DGKB: variants seen among roughly 807,000 people sequenced by gnomAD.
The protein encoded by DGKB is diacylglycerol kinase beta, also known as 90 kDa diacylglycerol kinase.
DGKB carries 67 observed loss-of-function variants against 114.3 expected under a neutral mutation model. That is an observed-to-expected ratio of 0.59 (90% confidence interval 0.48 to 0.72). The LOEUF (loss-of-function observed/expected upper bound fraction) is 0.72, where lower values mean the gene tolerates loss of function less well. Ranked by LOEUF, DGKB falls within the 30% of genes least tolerant of loss-of-function variation. The pLI is 0.00. For synonymous variants in DGKB, 398 were observed against 323.1 expected, an observed-to-expected ratio of 1.23 and a Z score of -2.49; for missense variants, 907 against 975.2, an observed-to-expected ratio of 0.93 and a Z score of 0.93.
At chr7:14,475,678 G>A (rs1358788079) in intron 21 of DGKB, among the ~76,000 whole-genome samples, 2 of 151,984 alleles carry the variant, frequency 1.3e-5, no homozygotes, top group South Asian at 2.1e-4. Context: ...ATTTATAAGC[G>A]AGGTTCATTC....
chr7:14,763,202 A>G (rs976661884), intron 2 of DGKB, among the ~76,000 whole-genome samples: 2 of 152,048 alleles, frequency 1.3e-5, no homozygotes, highest in African/African-American at 4.8e-5. Flanking sequence ...GTGAAGTTCA[A>G]CATAATGTAT....
chr7:14,172,047 G>A (rs1404907856), intron 25 of DGKB, among the ~76,000 whole-genome samples: 1 of 152,204 alleles, frequency 6.6e-6, no homozygotes, highest in African/African-American at 2.4e-5. Flanking sequence ...TGGAGAAGTG[G>A]AAGGAGGGGT....
At position 14,841,351 on chromosome 7, in the gene DGKB, T is replaced by A. The variant is rs1281015666; in HGVS notation, c.-88A>T. On this transcript the variant is annotated 5_prime_UTR_variant, in exon 2 of 26. The change abolishes an upstream ATG in the 5' untranslated region. Transcript: ENST00000402815. ...AGGTCTATGCTTCAAAGATTCCACATGGCATGTTTCATGATAAAATACCTC... is the reference window on the plus strand; with the variant it reads ...AGGTCTATGCTTCAAAGATTCCACAAGGCATGTTTCATGATAAAATACCTC... 1 of 1,139,160 alleles carries A rather than the reference T, an allele frequency of 8.8e-7. No individual in the cohort carries two copies. Among genetic ancestry groups the A allele is most frequent in the African/African-American group, 1.6e-5 (1 of 63,970 alleles). The allele number at this position is 1,139,160 out of a possible 1,614,324, so 70.6% of individuals were successfully genotyped here. A position where few individuals can be genotyped will look rare whatever the true frequency, so the allele number is the denominator to read the frequency against.
At chr7:14,913,295 T>A (rs1191598557) in intron 1 of DGKB, among the ~76,000 whole-genome samples, 1 of 152,058 alleles carries the variant, frequency 6.6e-6, no homozygotes, top group South Asian at 2.1e-4. Flanking sequence ...CTCTGTTGAC[T>A]ACCTTTGCAC....
At chr7:14,228,619 A>C (rs73679694) in intron 23 of DGKB, among the ~76,000 whole-genome samples, 1,850 of 152,024 alleles carry the variant, frequency 0.012, 36 homozygotes, top group African/African-American at 0.043. Context: ...CTACCCACAA[A>C]GCACACTGGC....
At chr7:14,182,488 G>A (rs1269381992) in intron 23 of DGKB, among the ~76,000 whole-genome samples, 1 of 151,966 alleles carries the variant, frequency 6.6e-6, no homozygotes, top group African/African-American at 2.4e-5. Context: ...AAAACATTAT[G>A]TCTGAGAAGA....
In DGKB at chr7:14,930,655, G is replaced by A. The variant is rs1784968940; in HGVS notation, c.-188+44041C>T. 3.3e-5 allele frequency among the ~76,000 whole-genome samples: 5 copies of A among 152,190 alleles called. No homozygotes were observed. The South Asian group carries it at 1.0e-3, about 32-fold the overall frequency. On this transcript the variant is annotated intron_variant, in intron 1 of 4. Coordinates refer to the DGKB transcript ENST00000437998. ...ATAATGTTATGTCATCAGTAAACAGGGATAGGTTCTCTTCCTCTTTTCCAG... is the reference window on the plus strand; with the variant it reads ...ATAATGTTATGTCATCAGTAAACAGAGATAGGTTCTCTTCCTCTTTTCCAG...
At chr7:14,421,015 G>A (rs191205007) in intron 21 of DGKB, among the ~76,000 whole-genome samples, 2 of 152,178 alleles carry the variant, frequency 1.3e-5, no homozygotes, top group East Asian at 1.9e-4. Flanking sequence ...TGGGCCAAGC[G>A]TGGGCCAATC....
chr7:14,589,737 A>C (rs1208683593), intron 17 of DGKB, among the ~76,000 whole-genome samples: 1 of 152,014 alleles, frequency 6.6e-6, no homozygotes, highest in Non-Finnish European at 1.5e-5. Context: ...AAATCCTTTC[A>C]GGCACCCAAA....
chr7:14,547,211 C>T (rs1794424989), intron 20 of DGKB, among the ~76,000 whole-genome samples: 1 of 152,012 alleles, frequency 6.6e-6, no homozygotes, highest in Admixed American at 6.6e-5. Flanking sequence ...TTACGTACAC[C>T]TCCACATCCT....
chr7:14,627,584 GTC>G (rs1808817512), intron 14 of DGKB, among the ~76,000 whole-genome samples: 1 of 127,612 alleles, frequency 7.8e-6, no homozygotes, highest in Admixed American at 7.3e-5. Context: ...GTATGTCTGT[GTC>G]TGTGTGTGTG....
intron 5 of DGKB, among the ~76,000 whole-genome samples, chr7:14,732,650 GT>G (rs1238433521): frequency 2.6e-5 from 4 of 152,068 alleles, no homozygotes; most frequent in African/African-American, 9.7e-5. Context: ...AGGAATCAGA[GT>G]TTAATTAATC....
At chr7:14,437,905 T>G (rs1241418925) in intron 21 of DGKB, among the ~76,000 whole-genome samples, 1 of 151,370 alleles carries the variant, frequency 6.6e-6, no homozygotes, top group Non-Finnish European at 1.5e-5. Flanking sequence ...GTCAAAGAAA[T>G]AGAAGCTCAG....
chr7:14,228,914 A>G (rs1279547709), intron 23 of DGKB, among the ~76,000 whole-genome samples: 1 of 75,666 alleles, frequency 1.3e-5, no homozygotes, highest in Admixed American at 1.7e-4. Flanking sequence ...GTGTTCAAAA[A>G]TAATTTGCTG....
intron 23 of DGKB, among the ~76,000 whole-genome samples, chr7:14,328,457 G>T (rs1331586039): frequency 6.6e-6 from 1 of 151,850 alleles, no homozygotes; most frequent in Non-Finnish European, 1.5e-5. Flanking sequence ...TAGAAAGTAC[G>T]TAATAGACCT....
At chr7:14,651,194 A>G (rs1019376123) in intron 13 of DGKB, among the ~76,000 whole-genome samples, 25 of 152,192 alleles carry the variant, frequency 1.6e-4, no homozygotes, top group Non-Finnish European at 3.2e-4. Flanking sequence ...GACACAACAA[A>G]AAAAGAGAAT....
At chr7:14,297,592 A>AAT (rs1802803204) in intron 23 of DGKB, among the ~76,000 whole-genome samples, 1 of 152,186 alleles carries the variant, frequency 6.6e-6, no homozygotes, top group African/African-American at 2.4e-5. Flanking sequence ...ACCCACAGCC[A>AAT]ATATCATACT....
At chr7:14,645,331 C>T (rs928813421) in intron 13 of DGKB, among the ~76,000 whole-genome samples, 1 of 152,102 alleles carries the variant, frequency 6.6e-6, no homozygotes, top group African/African-American at 2.4e-5. Flanking sequence ...CCTTGAACTG[C>T]AGGAGCAAAA....
chr7:14,842,978 CAGG>C (rs1848143207), intron 1 of DGKB, among the ~76,000 whole-genome samples: 1 of 152,082 alleles, frequency 6.6e-6, no homozygotes, highest in Non-Finnish European at 1.5e-5. Flanking sequence ...GAGGCTGAGG[CAGG>C]AGGATGGAAT....
Sources: gnomAD v4.1 joint callset for allele counts (sites outside exome capture counted in the v4.1 genomes callset) on GRCh38, gnomAD v4.1.1 for gene constraint, MANE v1.5 for transcripts, NCBI Gene and HGNC (gene_info 2026-07-23, HGNC 2026-07-21) for gene names.